STK3: variants seen among roughly 807,000 people sequenced by gnomAD.
STK3 encodes the protein serine/threonine-protein kinase 3.
STK3 carries 41 observed loss-of-function variants against 58.0 expected under a neutral mutation model. The ratio of observed to expected loss-of-function variants is 0.71; its 90% confidence interval spans 0.55 to 0.92. The LOEUF is 0.92. Ranked by LOEUF, STK3 falls within the 40% of genes least tolerant of loss-of-function variation. The pLI is 0.00. For synonymous variants in STK3, 170 were observed against 191.0 expected, an observed-to-expected ratio of 0.89 and a Z score of 0.91; for missense variants, 479 against 602.7, an observed-to-expected ratio of 0.79 and a Z score of 2.15.
intron 2 of STK3, 56 bp from the exon 3 acceptor site, chr8:98,767,427 A>G: frequency 6.7e-7 from 1 of 1,487,064 alleles, no homozygotes; most frequent in Non-Finnish European, 8.9e-7. Flanking sequence ...CTATAAGATT[A>G]AAAGTCTACT....
chr8:98,406,405 GT>G (rs1288098189), intron 3 of STK3, among the ~76,000 whole-genome samples: 1 of 152,066 alleles, frequency 6.6e-6, no homozygotes, highest in Non-Finnish European at 1.5e-5. Context: ...CACCCAGGTA[GT>G]GAGCATAGTA....
At chr8:98,467,720 C>A (rs1820592595) in intron 10 of STK3, among the ~76,000 whole-genome samples, 1 of 152,084 alleles carries the variant, frequency 6.6e-6, no homozygotes, top group Non-Finnish European at 1.5e-5. Context: ...TCTGATGATA[C>A]ATTTATTTCA....
upstream of STK3, among the ~76,000 whole-genome samples, chr8:98,828,479 TG>T (rs1218633130): frequency 7.1e-6 from 1 of 140,090 alleles, no homozygotes; most frequent in African/African-American, 2.7e-5. Flanking sequence ...AAGAAATAGC[TG>T]GGCATGGTGG....
intron 7 of STK3, among the ~76,000 whole-genome samples, chr8:98,591,032 G>C (rs1450470144): frequency 6.6e-6 from 1 of 152,046 alleles, no homozygotes; most frequent in East Asian, 1.9e-4. Context: ...AAAATATACA[G>C]ATAGTCCCTG....
intron 6 of STK3, chr8:98,638,377 GTTCATGAA>G (rs1819774593): frequency 1.3e-5 from 2 of 152,094 alleles, no homozygotes. Context: ...TCCTGCAAGT[GTTCATGAA>G]TACAAAGATA....
chr8:98,627,762 C>G (rs1393897300), intron 6 of STK3, among the ~76,000 whole-genome samples: 1 of 152,112 alleles, frequency 6.6e-6, no homozygotes, highest in African/African-American at 2.4e-5. Flanking sequence ...CTAACACACA[C>G]ACAGCAAAGC....
At chr8:98,781,314 C>G (rs1249881156) in intron 1 of STK3, among the ~76,000 whole-genome samples, 1 of 152,128 alleles carries the variant, frequency 6.6e-6, no homozygotes, top group Non-Finnish European at 1.5e-5. Context: ...AATTCCATTA[C>G]AGAGTATCGG....
At chr8:98,789,363 C>A (rs1264178637) in intron 1 of STK3, among the ~76,000 whole-genome samples, 1 of 151,924 alleles carries the variant, frequency 6.6e-6, no homozygotes, top group East Asian at 1.9e-4. Context: ...GAACCAAGAA[C>A]AAACCAAACC....
At chr8:98,786,913 G>A (rs1832497658) in intron 1 of STK3, among the ~76,000 whole-genome samples, 1 of 152,094 alleles carries the variant, frequency 6.6e-6, no homozygotes, top group South Asian at 2.1e-4. Flanking sequence ...GCTCACGCCT[G>A]TAATCCCAGC....
At chr8:98,347,199 A>T in the STK3 span, among the ~76,000 whole-genome samples, 1 of 151,940 alleles carries the variant, frequency 6.6e-6, no homozygotes, top group Non-Finnish European at 1.5e-5. Context: ...AAGGAAAAAG[A>T]TGATAAAAAT....
intron 9 of STK3, among the ~76,000 whole-genome samples, chr8:98,542,507 AAG>A (rs1491514388): frequency 6.6e-6 from 1 of 152,182 alleles, no homozygotes; most frequent in African/African-American, 2.4e-5. Context: ...TACTAAAAAA[AAG>A]AGAGATGGAG....
At chr8:98,744,621 T>C (rs981327846) in intron 4 of STK3, among the ~76,000 whole-genome samples, 23 of 147,194 alleles carry the variant, frequency 1.6e-4, no homozygotes, top group African/African-American at 5.7e-4. Flanking sequence ...TTAGGAGATA[T>C]ACCTAATGCT....
At chr8:98,870,020 G>C (rs1227264618) in intron 3 of STK3, among the ~76,000 whole-genome samples, 7 of 152,000 alleles carry the variant, frequency 4.6e-5, no homozygotes. Flanking sequence ...ACAGGCCCTA[G>C]TGTGTGATGT....
At position 98,428,196 on chromosome 8, in the gene STK3, C is replaced by T. The variant is rs567295212; in HGVS notation, n.483+5931G>A. The T allele has an allele frequency of 2.5e-6, 4 of 1,614,006 alleles. No homozygotes were observed. Among genetic ancestry groups the T allele is most frequent in the African/African-American group, 1.3e-5 (1 of 74,936 alleles). ...CGTCCAGCGGGAGTTCTACTTCGAC[C>T]GCAACCCTGAGCTCTTCCCCTACGT... On this transcript the variant is annotated intron_variant and non_coding_transcript_variant, in intron 3 of 3. Transcript: ENST00000517832. This position sits in a 1 kb window ranked among gnomAD's most constrained non-coding sequence, Gnocchi z 6.7.
chr8:98,869,328 C>T (rs995453258), intron 3 of STK3, among the ~76,000 whole-genome samples: 3 of 151,524 alleles, frequency 2.0e-5, no homozygotes, highest in Non-Finnish European at 4.4e-5. Context: ...GGCTGAGGCA[C>T]GAGAATCGCT....
At chr8:98,374,764 C>T (rs964874562) in intron 2 of STK3, among the ~76,000 whole-genome samples, 1 of 152,094 alleles carries the variant, frequency 6.6e-6, no homozygotes, top group Admixed American at 6.6e-5. Flanking sequence ...ACTGTGTAAA[C>T]TACATTTCAT....
intron 4 of STK3, among the ~76,000 whole-genome samples, chr8:98,746,572 C>G (rs1385295028): frequency 6.6e-6 from 1 of 151,960 alleles, no homozygotes; most frequent in African/African-American, 2.4e-5. Context: ...ATGATCACAC[C>G]ACTGCACTAC....
At chr8:98,548,674 C>T (rs111982507) in intron 8 of STK3, among the ~76,000 whole-genome samples, 2,683 of 152,194 alleles carry the variant, frequency 0.018, 75 homozygotes, top group African/African-American at 0.062. Flanking sequence ...AGTATATTTA[C>T]AATGTTGTGC....
downstream of STK3, chr8:98,881,597 C>T (rs1485376479): frequency 1.3e-5 from 2 of 152,090 alleles, no homozygotes; most frequent in African/African-American, 2.4e-5. Flanking sequence ...AGATATTAAT[C>T]ATCAGGGAAA....
Sources: gnomAD v4.1 joint callset for allele counts (sites outside exome capture counted in the v4.1 genomes callset) on GRCh38, gnomAD v4.1.1 for gene constraint, Gnocchi (gnomAD v3.1) non-coding constraint, MANE v1.5 for transcripts, NCBI Gene and HGNC (gene_info 2026-07-23, HGNC 2026-07-21) for gene names.